FAM227B: variants seen among roughly 807,000 people sequenced by gnomAD.
FAM227B encodes the protein protein FAM227B.
Under a neutral mutation model 73.8 loss-of-function variants are expected in FAM227B, and 88 were observed. That is an observed-to-expected ratio of 1.19 (90% confidence interval 1.00 to 1.42). The LOEUF (loss-of-function observed/expected upper bound fraction) is 1.42. FAM227B is among the 40% of genes most tolerant of loss of function. The probability of loss-of-function intolerance (pLI) is 0.00; values close to 1 mark genes in which losing one functional copy is unlikely to be tolerated. For missense variants in FAM227B, 632 were observed against 590.9 expected, an observed-to-expected ratio of 1.07 and a Z score of -0.72; for synonymous variants, 210 against 190.5, an observed-to-expected ratio of 1.10 and a Z score of -0.84.
intron 11 of FAM227B, among the ~76,000 whole-genome samples, chr15:49,404,869 T>C (rs1411940755): frequency 1.3e-5 from 2 of 151,854 alleles, no homozygotes; most frequent in Non-Finnish European, 2.9e-5. Context: ...CTGATCTGTG[T>C]GTTTTTGTAG....
At chr15:49,577,579 C>A in intron 6 of FAM227B, 50 bp downstream of exon 6, 1 of 1,136,426 alleles carries the variant, frequency 8.8e-7, no homozygotes, top group South Asian at 1.4e-5. Flanking sequence ...TATTTTAGTC[C>A]TACATAATAC....
At chr15:49,576,122 A>T (rs8030707) in intron 7 of FAM227B, 1 of 152,260 alleles carries the variant, frequency 6.6e-6, no homozygotes, top group Non-Finnish European at 1.5e-5. Flanking sequence ...ATGTACACTG[A>T]TAACAGCTTC....
chr15:49,529,368 A>G (rs1464693382), intron 10 of FAM227B, among the ~76,000 whole-genome samples: 1 of 151,656 alleles, frequency 6.6e-6, no homozygotes, highest in African/African-American at 2.4e-5. Flanking sequence ...ACTATTGGGT[A>G]CTGTGTTTAC....
intron 3 of FAM227B, among the ~76,000 whole-genome samples, chr15:49,596,129 T>C (rs538238687): frequency 6.6e-5 from 10 of 152,112 alleles, no homozygotes; most frequent in African/African-American, 1.2e-4. Flanking sequence ...AGGAAATTCA[T>C]TGCAATATAA....
intron 11 of FAM227B, among the ~76,000 whole-genome samples, chr15:49,462,766 G>C (rs1172404476): frequency 2.0e-5 from 3 of 152,138 alleles, no homozygotes; most frequent in Non-Finnish European, 4.4e-5. Flanking sequence ...TGATATATCA[G>C]ATTATGAAAG....
intron 11 of FAM227B, among the ~76,000 whole-genome samples, chr15:49,395,179 C>G (rs2047489118): frequency 6.6e-6 from 1 of 151,960 alleles, no homozygotes; most frequent in Non-Finnish European, 1.5e-5. Flanking sequence ...ACCATGTTAG[C>G]TTTCTTTTGG....
chr15:49,619,653 G>A (rs1049815754), intron 1 of FAM227B, among the ~76,000 whole-genome samples: 2 of 152,160 alleles, frequency 1.3e-5, no homozygotes, highest in African/African-American at 2.4e-5. Flanking sequence ...TATTACATAC[G>A]ATAGCAACCC....
intron 4 of FAM227B, 65 bp downstream of exon 4, chr15:49,589,711 G>A: frequency 4.8e-6 from 5 of 1,046,592 alleles, no homozygotes; most frequent in Admixed American, 4.7e-5. Flanking sequence ...CCAAGATTTG[G>A]AGACCAGCCT....
intron 13 of FAM227B, chr15:49,365,188 G>T: frequency 2.5e-6 from 2 of 793,708 alleles, no homozygotes; most frequent in Non-Finnish European, 2.3e-6. Flanking sequence ...AATACAGATG[G>T]TCCATCATCT....
chr15:49,338,421 A>G (rs571035992), intron 13 of FAM227B, among the ~76,000 whole-genome samples: 1 of 152,158 alleles, frequency 6.6e-6, no homozygotes, highest in African/African-American at 2.4e-5. Context: ...CTGGGTTGAA[A>G]ATTCTTTTCT....
intron 3 of FAM227B, among the ~76,000 whole-genome samples, chr15:49,598,631 A>T (rs2077017481): frequency 6.6e-6 from 1 of 151,934 alleles, no homozygotes; most frequent in Non-Finnish European, 1.5e-5. Flanking sequence ...TTCTGCACCT[A>T]ATTTGCTGAG....
At chr15:49,483,857 C>CT (rs778472082) in intron 11 of FAM227B, among the ~76,000 whole-genome samples, 23 of 152,064 alleles carry the variant, frequency 1.5e-4, no homozygotes, top group Middle Eastern at 3.4e-3. Context: ...ACAAATTAAC[C>CT]TTTTATCTTC....
At chr15:49,349,781 T>C (rs1009474945) in intron 13 of FAM227B, among the ~76,000 whole-genome samples, 13 of 152,148 alleles carry the variant, frequency 8.5e-5, no homozygotes, top group African/African-American at 2.9e-4. Context: ...CTTTTTTCTA[T>C]GGGTTGAAGC....
intron 13 of FAM227B, among the ~76,000 whole-genome samples, chr15:49,352,920 G>A (rs1318469946): frequency 2.0e-5 from 3 of 152,168 alleles, no homozygotes; most frequent in African/African-American, 7.2e-5. Flanking sequence ...TTACACTGGT[G>A]TTCTGTCTTA....
At chr15:49,401,743 T>C (rs970220829) in intron 11 of FAM227B, among the ~76,000 whole-genome samples, 1 of 133,134 alleles carries the variant, frequency 7.5e-6, no homozygotes, top group African/African-American at 2.7e-5. Flanking sequence ...CAGTAAACTA[T>C]CGCAAGAACA....
At chr15:49,436,501 A>G (rs1005061441) in intron 11 of FAM227B, among the ~76,000 whole-genome samples, 1 of 151,660 alleles carries the variant, frequency 6.6e-6, no homozygotes, top group Non-Finnish European at 1.5e-5. Flanking sequence ...AACATGGGCC[A>G]TTAGTATTAA....
At chr15:49,428,269 G>T (rs999734615) in intron 11 of FAM227B, among the ~76,000 whole-genome samples, 1 of 151,946 alleles carries the variant, frequency 6.6e-6, no homozygotes, top group East Asian at 1.9e-4. Context: ...TAGCCTAACA[G>T]TGGGTTTCCA....
chr15:49,337,060 A>G (rs1441407045), intron 13 of FAM227B, among the ~76,000 whole-genome samples: 1 of 152,218 alleles, frequency 6.6e-6, no homozygotes, highest in Non-Finnish European at 1.5e-5. Context: ...TCCATGGTGT[A>G]TATGTACCAC....
intron 11 of FAM227B, among the ~76,000 whole-genome samples, chr15:49,491,353 T>C (rs1164442448): frequency 6.6e-6 from 1 of 151,976 alleles, no homozygotes; most frequent in East Asian, 1.9e-4. Flanking sequence ...CTTTTTTGCC[T>C]GTTGGGTTTA....
Sources: gnomAD v4.1 joint callset for allele counts (sites outside exome capture counted in the v4.1 genomes callset) on GRCh38, gnomAD v4.1.1 for gene constraint, MANE v1.5 for transcripts, NCBI Gene and HGNC (gene_info 2026-07-23, HGNC 2026-07-21) for gene names.